IDO2: variants seen among roughly 807,000 people sequenced by gnomAD.
IDO2 encodes the protein indoleamine 2,3-dioxygenase-like 1 protein.
In IDO2, 46 loss-of-function variants were observed where a neutral mutation model predicts 45.1. The observed-to-expected ratio is 1.02, with a 90% CI of 0.80 to 1.30. The LOEUF is 1.30. IDO2 is among the 50% of genes most tolerant of loss of function. The pLI, the probability that IDO2 is intolerant of heterozygous loss-of-function variation, is 0.00. For synonymous variants in IDO2, 218 were observed against 184.9 expected, an observed-to-expected ratio of 1.18 and a Z score of -1.45; for missense variants, 544 against 491.8, an observed-to-expected ratio of 1.11 and a Z score of -1.00.
At chr8:39,938,971 A>G (rs1478866498) in intron 1 of IDO2, among the ~76,000 whole-genome samples, 2 of 152,168 alleles carry the variant, frequency 1.3e-5, no homozygotes, top group Admixed American at 6.5e-5. Context: ...ATCCACACTC[A>G]TGCCGGGCAC....
At chr8:40,003,675 G>A (rs1488106015) in intron 8 of IDO2, among the ~76,000 whole-genome samples, 1 of 151,948 alleles carries the variant, frequency 6.6e-6, no homozygotes, top group South Asian at 2.1e-4. Context: ...CATATTGTTT[G>A]AGTAGCATGC....
intron 2 of IDO2, among the ~76,000 whole-genome samples, chr8:39,954,967 T>G (rs1273254319): frequency 6.6e-6 from 1 of 151,562 alleles, no homozygotes; most frequent in African/African-American, 2.4e-5. Context: ...TCCCCCTGTC[T>G]CTTTGTGTCC....
intron 2 of IDO2, among the ~76,000 whole-genome samples, chr8:39,953,367 A>G (rs577336609): frequency 7.7e-4 from 117 of 152,208 alleles, no homozygotes; most frequent in Non-Finnish European, 1.5e-3. Flanking sequence ...AGCTCCACCT[A>G]GAATAGTTCA....
chr8:39,995,291 T>TTCCTCTTCTTCTTCTTC (rs1802024993), intron 8 of IDO2: 1 of 71,964 alleles, frequency 1.4e-5, no homozygotes. Flanking sequence ...TCTTCTTCTT[T>TTCCTCTTCTTCTTCTTC]TTTTTTTGAG....
intron 9 of IDO2, among the ~76,000 whole-genome samples, chr8:40,011,315 A>G (rs1802307977): frequency 1.3e-5 from 2 of 152,242 alleles, no homozygotes; most frequent in Non-Finnish European, 2.9e-5. Context: ...AACATTTAGC[A>G]GTACTCAAGA....
chr8:40,013,361 A>G (rs2955896), intron 9 of IDO2, among the ~76,000 whole-genome samples: 149,225 of 152,268 alleles, frequency 0.98, 73,191 homozygotes, highest in East Asian at 1. Context: ...GAGGAAGAAA[A>G]GGGCTGTGAT....
chr8:40,000,053 A>AG (rs1179148351), intron 8 of IDO2, among the ~76,000 whole-genome samples: 4 of 152,170 alleles, frequency 2.6e-5, no homozygotes, highest in Non-Finnish European at 5.9e-5. Flanking sequence ...ATCAAAGACA[A>AG]TTTTTTAAAG....
At chr8:39,949,304 T>C (rs1331755611) in intron 2 of IDO2, 40 bp downstream of exon 2, 1 of 1,457,060 alleles carries the variant, frequency 6.9e-7, no homozygotes, top group Middle Eastern at 1.8e-4. Context: ...CAGAATATGT[T>C]TCTTGAGATG....
At chr8:40,004,567 A>ATGAT (rs55986019) in intron 8 of IDO2, among the ~76,000 whole-genome samples, 1 of 106,998 alleles carries the variant, frequency 9.3e-6, no homozygotes, top group African/African-American at 3.3e-5. Context: ...AGATAGATAG[A>ATGAT]CGATAGATAG....
chr8:39,988,157 A>G (rs1808452004), intron 7 of IDO2, among the ~76,000 whole-genome samples, 187 bp downstream of exon 7: 1 of 152,152 alleles, frequency 6.6e-6, no homozygotes, highest in African/African-American at 2.4e-5. Context: ...CAATTCCTAT[A>G]AAACTCGGAA....
In IDO2 at chr8:40,006,737, G is replaced by A. The variant is rs192706761; in HGVS notation, c.719+1359G>A. ...GTGCAGTGGTGCCATCTTGGCTCAC[G>A]GCAACCTCTGCCTCCTGGATTCAAA... On this transcript the variant is annotated intron_variant, in intron 9 of 10. Transcript: ENST00000502986. 6.6e-3 allele frequency among the ~76,000 whole-genome samples: 999 copies of A among 151,566 alleles called. 11 individuals are homozygous for A. The highest frequency in any genetic ancestry group is 0.023 in the African/African-American group (934 of 41,304).
At chr8:40,012,949 G>T (rs1437482040) in intron 9 of IDO2, among the ~76,000 whole-genome samples, 1 of 152,142 alleles carries the variant, frequency 6.6e-6, no homozygotes, top group Non-Finnish European at 1.5e-5. Flanking sequence ...TTTGATAAAG[G>T]CATCCTCAAA....
chr8:39,975,965 A>G (rs1039865531), intron 3 of IDO2, among the ~76,000 whole-genome samples: 2 of 152,202 alleles, frequency 1.3e-5, no homozygotes, highest in African/African-American at 4.8e-5. Context: ...TGTTAAGTTC[A>G]AAAGCATTCA....
rs143841632 is a variant in IDO2 at position 40,015,424 on chromosome 8, C to T, written c.1046C>T (p.Thr349Ile). 2.3e-5 allele frequency: 37 copies of T among 1,613,950 alleles called. No individual in the cohort carries two copies. In the African/African-American group the frequency reaches 4.0e-4, roughly 17 times the overall value. ...GCAGAGCTGCGGAGCTATCACATCA[C>T]CATGGTCACCAAATACCTCATCACA... The change falls in exon 11 of 11, where the codon ACC becomes ATC. Residue 349 changes from threonine to isoleucine, a missense_variant. Physicochemically the swap from Thr to Ile is moderately conservative, Grantham distance 89. Coordinates refer to ENST00000502986, the Ensembl canonical transcript of IDO2.
At chr8:39,994,133 TG>T (rs1194959124) in intron 8 of IDO2, among the ~76,000 whole-genome samples, 9 of 152,164 alleles carry the variant, frequency 5.9e-5, no homozygotes, top group Non-Finnish European at 1.3e-4. Context: ...AAAGGACAAA[TG>T]GTATTTATTA....
At chr8:39,950,639 A>G (rs1807800856) in intron 2 of IDO2, among the ~76,000 whole-genome samples, 1 of 152,234 alleles carries the variant, frequency 6.6e-6, no homozygotes, top group Admixed American at 6.5e-5. Flanking sequence ...AGACAGAGTT[A>G]TTTATAACCT....
intron 3 of IDO2, among the ~76,000 whole-genome samples, chr8:39,975,144 T>C (rs1235556568): frequency 6.9e-6 from 1 of 145,238 alleles, no homozygotes; most frequent in Non-Finnish European, 1.5e-5. Flanking sequence ...TTTTCTAATA[T>C]GGCACAACAT....
chr8:39,983,327 C>T (rs2729471), intron 5 of IDO2, among the ~76,000 whole-genome samples: 150,666 of 152,334 alleles, frequency 0.99, 74,511 homozygotes, highest in East Asian at 1. Context: ...ATTCAACAAA[C>T]AGAATTAGAC....
At chr8:39,967,046 A>G (rs371816144) in intron 3 of IDO2, among the ~76,000 whole-genome samples, 3 of 152,224 alleles carry the variant, frequency 2.0e-5, no homozygotes, top group African/African-American at 7.2e-5. Flanking sequence ...GAACTCCTCA[A>G]TATAAACCTA....
Sources: allele counts gnomAD v4.1 joint callset (sites outside exome capture counted in the v4.1 genomes callset), GRCh38; gene constraint gnomAD v4.1.1; transcripts MANE v1.5; gene names NCBI Gene and HGNC (gene_info 2026-07-23, HGNC 2026-07-21).